GRIA4: variants seen among roughly 807,000 people sequenced by gnomAD.
The protein encoded by GRIA4 is glutamate ionotropic receptor AMPA type subunit 4.
In GRIA4, 34 loss-of-function variants were observed where a neutral mutation model predicts 104.0. The ratio of observed to expected loss-of-function variants is 0.33; its 90% CI spans 0.25 to 0.44. The LOEUF (loss-of-function observed/expected upper bound fraction) is 0.44. Ranked by LOEUF, GRIA4 falls within the 20% of genes least tolerant of loss-of-function variation. GRIA4 has a pLI of 1.00. For synonymous variants in GRIA4, 386 were observed against 381.9 expected (o/e 1.01, Z -0.13); for missense variants, 750 against 1,096.5 (o/e 0.68, Z 4.46).
At chr11:105,666,921 G>A (rs1952183388) in intron 3 of GRIA4, among the ~76,000 whole-genome samples, 1 of 151,002 alleles carries the variant, frequency 6.6e-6, no homozygotes, top group African/African-American at 2.4e-5. Flanking sequence ...ATCTCTGTGG[G>A]GTTTTGCAGC....
chr11:105,841,973 G>A (rs72987142), intron 4 of GRIA4, among the ~76,000 whole-genome samples: 6,151 of 152,202 alleles, frequency 0.04, 155 homozygotes, highest in Non-Finnish European at 0.054. Flanking sequence ...AGCATTGGGG[G>A]TATAAGTGGG....
At position 105,806,762 on chromosome 11, in the gene GRIA4, C is replaced by T. The variant is rs1044336985; in HGVS notation, c.487+53542C>T. Among the ~76,000 whole-genome samples the T allele has an allele frequency of 4.0e-5, 6 of 150,432 alleles. No homozygotes were observed. In the South Asian group the frequency reaches 8.4e-4, roughly 21 times the overall value. On this transcript the variant is annotated intron_variant, in intron 4 of 16. Coordinates refer to ENST00000282499, the MANE Select transcript of GRIA4 (RefSeq NM_000829.4). ...TCAAGAAAAGTGCCCCAAAAAAGTC[C>T]GAACACTTTAACGAGATAAGAGATG...
intron 3 of GRIA4, among the ~76,000 whole-genome samples, chr11:105,739,350 A>G (rs1939168730): frequency 6.6e-6 from 1 of 152,192 alleles, no homozygotes; most frequent in Non-Finnish European, 1.5e-5. Flanking sequence ...CAGATGTCAT[A>G]AAACTAAAGA....
chr11:105,624,760 T>C (rs185714235), intron 3 of GRIA4, among the ~76,000 whole-genome samples: 1 of 152,156 alleles, frequency 6.6e-6, no homozygotes, highest in Admixed American at 6.6e-5. Flanking sequence ...TAATGGGAAG[T>C]CTGTTAAGTC....
chr11:105,674,051 A>T (rs1385027579), intron 3 of GRIA4, among the ~76,000 whole-genome samples: 1 of 152,088 alleles, frequency 6.6e-6, no homozygotes, highest in Admixed American at 6.6e-5. Flanking sequence ...TACATTTTGC[A>T]TATCAAGTAG....
intron 3 of GRIA4, among the ~76,000 whole-genome samples, chr11:105,622,107 C>T (rs531296202): frequency 6.6e-6 from 1 of 151,848 alleles, no homozygotes; most frequent in East Asian, 1.9e-4. Context: ...TTCCCTTTGG[C>T]TTCCAGATTC....
chr11:105,884,586 T>TG (rs1946184759), intron 5 of GRIA4, among the ~76,000 whole-genome samples: 3 of 152,308 alleles, frequency 2.0e-5, no homozygotes, highest in South Asian at 4.1e-4. Context: ...GAGATACTGA[T>TG]GCCTCTAGCA....
At chr11:105,959,390 A>T (rs1948677269) in intron 14 of GRIA4, among the ~76,000 whole-genome samples, 3 of 152,084 alleles carry the variant, frequency 2.0e-5, no homozygotes. Context: ...CACTTGGTCG[A>T]TTCGGCTGTT....
chr11:105,725,794 G>A (rs555346202), intron 3 of GRIA4, among the ~76,000 whole-genome samples: 119 of 152,156 alleles, frequency 7.8e-4, no homozygotes, highest in Non-Finnish European at 1.3e-3. Context: ...CACAAGGGTC[G>A]GGCAACTCCC....
chr11:105,731,577 G>A (rs1367648783), intron 3 of GRIA4, among the ~76,000 whole-genome samples: 6 of 152,062 alleles, frequency 3.9e-5, no homozygotes, highest in South Asian at 2.1e-4. Context: ...ACTTGCACAC[G>A]TATGTTTATT....
At chr11:105,879,165 C>A (rs1428307067) in intron 5 of GRIA4, among the ~76,000 whole-genome samples, 1 of 152,178 alleles carries the variant, frequency 6.6e-6, no homozygotes, top group Non-Finnish European at 1.5e-5. Context: ...ACCTCTTGTG[C>A]TTTCCAAGTG....
At chr11:105,753,341 T>C in intron 4 of GRIA4, 121 bp downstream of exon 4, 1 of 871,928 alleles carries the variant, frequency 1.1e-6, no homozygotes, top group South Asian at 1.6e-5. Context: ...CAGAAAATGG[T>C]TGATGTGTAT....
intron 3 of GRIA4, among the ~76,000 whole-genome samples, chr11:105,725,618 G>A (rs1017212104): frequency 2.6e-5 from 4 of 152,184 alleles, no homozygotes; most frequent in African/African-American, 9.7e-5. Flanking sequence ...TGGCTGAATA[G>A]GAACAGCTCT....
chr11:105,804,282 TAATA>T (rs1433400526), intron 4 of GRIA4, among the ~76,000 whole-genome samples: 6 of 151,862 alleles, frequency 4.0e-5, no homozygotes, highest in African/African-American at 1.2e-4. Context: ...TTGTTTTCCG[TAATA>T]AATAAGTGTA....
In GRIA4 at chr11:105,644,387, T is replaced by C. The variant is rs577082003; in HGVS notation, c.247+31953T>C. On this transcript the variant is annotated intron_variant, in intron 3 of 16. Transcript: ENST00000282499. ...GTGGGGAACTGCTTGAGATCAGGAG[T>C]TTGAGACCAGCCTAGCCTACATAGT... Among the ~76,000 whole-genome samples, 66 of 151,200 alleles carry C rather than the reference T, an allele frequency of 4.4e-4. 1 individual carries two copies. The highest frequency in any genetic ancestry group is 1.1e-3 in the Admixed American group (17 of 15,138).
chr11:105,813,604 C>T (rs571158770), intron 4 of GRIA4, among the ~76,000 whole-genome samples: 180 of 152,250 alleles, frequency 1.2e-3, no homozygotes, highest in Middle Eastern at 3.4e-3. Context: ...TGGATAGGTT[C>T]TGGAGTCAAG....
chr11:105,970,814 A>G (rs182962671), intron 14 of GRIA4, among the ~76,000 whole-genome samples: 2 of 152,308 alleles, frequency 1.3e-5, no homozygotes, highest in East Asian at 3.9e-4. Context: ...CAAAATGGTA[A>G]CAACAAAAGA....
chr11:105,861,169 C>T (rs113771495), intron 4 of GRIA4, among the ~76,000 whole-genome samples: 1 of 152,094 alleles, frequency 6.6e-6, no homozygotes, highest in Non-Finnish European at 1.5e-5. Context: ...TTTATTCTCT[C>T]ATGGCAGGCT....
At chr11:105,898,950 A>G (rs1946759674) in intron 7 of GRIA4, among the ~76,000 whole-genome samples, 4 of 152,208 alleles carry the variant, frequency 2.6e-5, no homozygotes, top group African/African-American at 9.6e-5. Context: ...GATCATAAGC[A>G]TATTTGATCA....
Sources: gnomAD v4.1 joint callset for allele counts (sites outside exome capture counted in the v4.1 genomes callset) on GRCh38, gnomAD v4.1.1 for gene constraint, MANE v1.5 for transcripts, NCBI Gene and HGNC (gene_info 2026-07-23, HGNC 2026-07-21) for gene names.